ADAMTSL1: variants seen among roughly 807,000 people sequenced by gnomAD.
ADAMTSL1 encodes ADAMTS like 1, also known as ADAMTS-like protein 1.
A neutral mutation model predicts 201.8 loss-of-function variants in ADAMTSL1; 126 were observed. That is an observed-to-expected ratio of 0.62 (90% confidence interval 0.54 to 0.72). ADAMTSL1 has a LOEUF of 0.72. Ranked by LOEUF, ADAMTSL1 falls within the 30% of genes least tolerant of loss-of-function variation. The pLI, the probability that ADAMTSL1 is intolerant of heterozygous loss-of-function variation, is 0.00. For missense variants in ADAMTSL1, 2,679 were observed against 2,277.8 expected (o/e 1.18, Z -3.59); for synonymous variants, 1,121 against 903.4 (o/e 1.24, Z -4.32).
intron 2 of ADAMTSL1, among the ~76,000 whole-genome samples, chr9:18,518,679 A>C (rs779066765): frequency 6.6e-6 from 1 of 152,066 alleles, no homozygotes; most frequent in Non-Finnish European, 1.5e-5. Context: ...TGGGATTGCT[A>C]GGTTAAATGG....
chr9:17,997,845 G>C (rs1819446425), intron 1 of ADAMTSL1, among the ~76,000 whole-genome samples: 1 of 151,992 alleles, frequency 6.6e-6, no homozygotes, highest in African/African-American at 2.4e-5. Context: ...CTTTCTTACT[G>C]ATCTCTTGTC....
intron 14 of ADAMTSL1, among the ~76,000 whole-genome samples, chr9:18,708,769 A>AG (rs1832380064): frequency 6.6e-6 from 1 of 152,254 alleles, no homozygotes; most frequent in Non-Finnish European, 1.5e-5. Flanking sequence ...TATAGTTCTC[A>AG]GTTACAAGTC....
chr9:18,724,433 T>G (rs567948018), intron 15 of ADAMTSL1, among the ~76,000 whole-genome samples: 1 of 152,326 alleles, frequency 6.6e-6, no homozygotes, highest in African/African-American at 2.4e-5. Context: ...TTTCACCAGG[T>G]TTAGGCAAAT....
intron 2 of ADAMTSL1, among the ~76,000 whole-genome samples, chr9:18,211,896 A>G (rs910129755): frequency 3.9e-5 from 6 of 152,212 alleles, no homozygotes; most frequent in Non-Finnish European, 7.4e-5. Context: ...TCAACAACCC[A>G]GTTAAGCTAC....
At chr9:18,327,682 T>C (rs1834880546) in intron 2 of ADAMTSL1, among the ~76,000 whole-genome samples, 1 of 152,228 alleles carries the variant, frequency 6.6e-6, no homozygotes, top group Admixed American at 6.5e-5. Context: ...GTTAGGCAAA[T>C]GGACTTATAA....
At chr9:18,489,142 TA>T (rs2131845868) in intron 1 of ADAMTSL1, among the ~76,000 whole-genome samples, 1 of 152,214 alleles carries the variant, frequency 6.6e-6, no homozygotes, top group East Asian at 1.9e-4. Flanking sequence ...AATTTGAATG[TA>T]TAGACAGAGT....
At chr9:18,574,570 C>A in intron 4 of ADAMTSL1, 2 of 524,050 alleles carry the variant, frequency 3.8e-6, no homozygotes, top group East Asian at 3.0e-5. Flanking sequence ...CCTGGATTGG[C>A]TATTCCTGAA....
chr9:18,691,433 T>C (rs1045224707), intron 13 of ADAMTSL1, among the ~76,000 whole-genome samples: 2 of 152,212 alleles, frequency 1.3e-5, no homozygotes, highest in African/African-American at 2.4e-5. Context: ...TCTTTTTACA[T>C]AGCAAGTGAT....
intron 1 of ADAMTSL1, among the ~76,000 whole-genome samples, chr9:18,144,604 A>T (rs1332654901): frequency 6.6e-6 from 1 of 151,830 alleles, no homozygotes; most frequent in Non-Finnish European, 1.5e-5. Context: ...TCTTCCTACC[A>T]TTTTCCTATT....
At chr9:18,810,562 T>C (rs1180128550) in intron 20 of ADAMTSL1, among the ~76,000 whole-genome samples, 1 of 152,214 alleles carries the variant, frequency 6.6e-6, no homozygotes, top group Non-Finnish European at 1.5e-5. Context: ...CTGTAGAATA[T>C]CCTGCCTGTA....
Position 18,777,432 on chromosome 9 carries a change from C to T in ADAMTSL1, c.3203C>T (p.Pro1068Leu). The T allele has an allele frequency of 6.2e-7, 1 of 1,600,266 alleles. No individual in the cohort carries two copies. Among genetic ancestry groups the T allele is most frequent in the South Asian group, 1.1e-5 (1 of 88,914 alleles). Reference sequence around the variant, plus strand: ...GCAGAGCAAGTGCTCCTGCACCTGCCCTTCACCATGGTGACCGAGCAGCGG... The same window carrying T: ...GCAGAGCAAGTGCTCCTGCACCTGCTCTTCACCATGGTGACCGAGCAGCGG... ...PGAEQVLLHLPFTMVTEQRRL... is the reference protein window; with the variant it reads ...PGAEQVLLHLLFTMVTEQRRL... Residue 1068 changes from proline to leucine, a missense_variant, in exon 19 of 29, where the codon CCC becomes CTC. By Grantham distance (98) the Pro-to-Leu change is moderately conservative (BLOSUM62 -3). Coordinates refer to ENST00000380548, the MANE Select transcript of ADAMTSL1 (RefSeq NM_001040272.6).
At chr9:18,454,405 C>G (rs906895284) in intron 2 of ADAMTSL1, among the ~76,000 whole-genome samples, 1 of 152,150 alleles carries the variant, frequency 6.6e-6, no homozygotes, top group Non-Finnish European at 1.5e-5. Context: ...CCCACTCAGT[C>G]CACAGACTCA....
chr9:18,596,295 T>C (rs1439068995), intron 4 of ADAMTSL1, among the ~76,000 whole-genome samples: 1 of 152,166 alleles, frequency 6.6e-6, no homozygotes, highest in East Asian at 1.9e-4. Flanking sequence ...ATAACTATAA[T>C]CAGCAGTACG....
At chr9:18,787,944 A>G (rs1009440700) in intron 19 of ADAMTSL1, among the ~76,000 whole-genome samples, 1 of 152,204 alleles carries the variant, frequency 6.6e-6, no homozygotes, top group African/African-American at 2.4e-5. Flanking sequence ...AACTTCTGAA[A>G]GAGAAGGAAG....
chr9:18,900,076 A>T, intron 26 of ADAMTSL1, among the ~76,000 whole-genome samples: 1 of 152,292 alleles, frequency 6.6e-6, no homozygotes, highest in African/African-American at 2.4e-5. Flanking sequence ...AGAGGAACTT[A>T]AAAAAATTTA....
intron 2 of ADAMTSL1, among the ~76,000 whole-genome samples, chr9:18,216,747 C>T (rs1830072225): frequency 1.3e-5 from 2 of 150,694 alleles, no homozygotes; most frequent in Admixed American, 1.3e-4. Flanking sequence ...CTACCCTGTC[C>T]TCTTGGTGAA....
intron 15 of ADAMTSL1, among the ~76,000 whole-genome samples, chr9:18,725,075 A>G (rs985936331): frequency 2.0e-5 from 3 of 151,754 alleles, no homozygotes; most frequent in Non-Finnish European, 2.9e-5. Context: ...CCTGGCTAAT[A>G]TTTTGTATTT....
At chr9:18,113,719 G>T (rs1035788991) in intron 1 of ADAMTSL1, among the ~76,000 whole-genome samples, 12 of 152,068 alleles carry the variant, frequency 7.9e-5, no homozygotes, top group Non-Finnish European at 1.8e-4. Context: ...CTTACTATAT[G>T]ACAGTCACTG....
chr9:18,408,214 A>T (rs1433628569), intron 2 of ADAMTSL1, among the ~76,000 whole-genome samples: 1 of 152,180 alleles, frequency 6.6e-6, no homozygotes, highest in African/African-American at 2.4e-5. Flanking sequence ...GACACCTGCA[A>T]TCCCAGCACT....
Sources: gnomAD v4.1 joint callset for allele counts (sites outside exome capture counted in the v4.1 genomes callset) on GRCh38, gnomAD v4.1.1 for gene constraint, MANE v1.5 for transcripts, NCBI Gene and HGNC (gene_info 2026-07-23, HGNC 2026-07-21) for gene names.